Variants in KDM4C observed in about 807,000 individuals in gnomAD.
KDM4C encodes lysine-specific demethylase 4C.
In KDM4C, 81 loss-of-function variants were observed where a neutral mutation model predicts 129.3. The ratio of observed to expected loss-of-function variants is 0.63; its 90% CI spans 0.52 to 0.75. The LOEUF is 0.75. KDM4C is among the 30% of genes least tolerant of loss of function. The pLI is 0.00. For missense variants in KDM4C, 1,457 were observed against 1,304.0 expected (o/e 1.12, Z -1.81); for synonymous variants, 573 against 456.1 (o/e 1.26, Z -3.26).
chr9:6,784,963 C>G (rs1243159495), intron 1 of KDM4C, among the ~76,000 whole-genome samples: 3 of 152,180 alleles, frequency 2.0e-5, no homozygotes, highest in African/African-American at 7.2e-5. Flanking sequence ...GATGAAAAGT[C>G]AGAGTATTAG....
intron 17 of KDM4C, among the ~76,000 whole-genome samples, chr9:7,062,121 C>A (rs2132699975): frequency 6.6e-6 from 1 of 152,262 alleles, no homozygotes; most frequent in Admixed American, 6.5e-5. Flanking sequence ...GTGCCTGCCA[C>A]CACACACTGG....
chr9:7,167,320 C>G (rs1254734575), intron 20 of KDM4C, among the ~76,000 whole-genome samples: 3 of 152,130 alleles, frequency 2.0e-5, no homozygotes, highest in African/African-American at 4.8e-5. Flanking sequence ...CCAAGGGACC[C>G]TTGAGTCCCA....
intron 8 of KDM4C, among the ~76,000 whole-genome samples, chr9:6,941,133 C>T (rs150000762): frequency 6.6e-6 from 1 of 151,728 alleles, no homozygotes; most frequent in Non-Finnish European, 1.5e-5. Flanking sequence ...TGGGTTCAAG[C>T]GATTCTTGTG....
At chr9:7,048,323 A>G (rs533966040) in intron 16 of KDM4C, among the ~76,000 whole-genome samples, 1 of 152,120 alleles carries the variant, frequency 6.6e-6, no homozygotes, top group African/African-American at 2.4e-5. Flanking sequence ...GAAAGACAGG[A>G]TAGAGTCTGA....
At chr9:6,927,606 C>T (rs1427681423) in intron 8 of KDM4C, among the ~76,000 whole-genome samples, 1 of 152,178 alleles carries the variant, frequency 6.6e-6, no homozygotes, top group East Asian at 1.9e-4. Context: ...GATCATCCCT[C>T]ATCTACGTAG....
chr9:6,751,763 T>A (rs1164517041), intron 1 of KDM4C, among the ~76,000 whole-genome samples: 1 of 152,124 alleles, frequency 6.6e-6, no homozygotes, highest in Non-Finnish European at 1.5e-5. Flanking sequence ...AAATGTATTA[T>A]AAAGCTGCAG....
chr9:7,016,785 T>C (rs1223176767), intron 15 of KDM4C, among the ~76,000 whole-genome samples: 1 of 152,194 alleles, frequency 6.6e-6, no homozygotes, highest in East Asian at 1.9e-4. Context: ...TGTCAATTTA[T>C]CGTGTCCACA....
rs1822771250 is a variant in KDM4C at position 7,011,865 on chromosome 9, A to G, written c.1954A>G (p.Met652Val). 2 of 1,613,460 alleles carry G rather than the reference A, an allele frequency of 1.2e-6. No homozygotes were observed. The highest frequency in any genetic ancestry group is 1.7e-5 in the Admixed American group (1 of 59,992). ...KPHCAICTLL[M>V]PYHKPDSSNE... is the part of the protein sequence containing the mutation. ...ACACTGTGCCATCTGCACTCTGCTC[A>G]TGCCGTACCACAAGGTAAAGGAGCC... The change falls in exon 13 of 22, where the codon ATG (methionine) becomes GTG (valine). Residue 652 changes from methionine to valine, a missense_variant. By Grantham distance (21) the Met-to-Val change is conservative. Transcript: ENST00000381309.
intron 21 of KDM4C, among the ~76,000 whole-genome samples, chr9:7,173,112 C>T (rs1026542964): frequency 2.0e-5 from 3 of 152,256 alleles, no homozygotes; most frequent in African/African-American, 7.2e-5. Flanking sequence ...CTAATATCCT[C>T]ACCTTTATGG....
At chr9:7,047,116 T>TA (rs1829517596) in intron 16 of KDM4C, among the ~76,000 whole-genome samples, 199 bp downstream of exon 16, 1 of 151,996 alleles carries the variant, frequency 6.6e-6, no homozygotes, top group African/African-American at 2.4e-5. Context: ...CAGTCCAAGT[T>TA]ATGCTTCTCT....
intron 5 of KDM4C, among the ~76,000 whole-genome samples, chr9:6,875,333 G>C (rs1453426531): frequency 6.6e-6 from 1 of 152,182 alleles, no homozygotes; most frequent in East Asian, 1.9e-4. Flanking sequence ...CTGAGTGCCA[G>C]GGTGGACACC....
At chr9:6,908,688 G>A (rs987079822) in intron 8 of KDM4C, among the ~76,000 whole-genome samples, 1 of 151,918 alleles carries the variant, frequency 6.6e-6, no homozygotes, top group African/African-American at 2.4e-5. Flanking sequence ...GTGGGGGGTG[G>A]GGAGGTACCT....
intron 1 of KDM4C, among the ~76,000 whole-genome samples, chr9:6,792,609 G>C (rs761192346): frequency 6.6e-6 from 1 of 151,988 alleles, no homozygotes; most frequent in Non-Finnish European, 1.5e-5. Context: ...GTCTGGTCTC[G>C]AACTCCTGAC....
intron 19 of KDM4C, among the ~76,000 whole-genome samples, chr9:7,134,897 C>A (rs1437532578): frequency 6.6e-6 from 1 of 152,164 alleles, no homozygotes; most frequent in Non-Finnish European, 1.5e-5. Context: ...AAACCTTGTG[C>A]CTTTCACTGG....
chr9:6,760,945 T>G (rs1819363477), intron 1 of KDM4C, among the ~76,000 whole-genome samples: 1 of 151,948 alleles, frequency 6.6e-6, no homozygotes, highest in East Asian at 1.9e-4. Flanking sequence ...AGTTCTCCAG[T>G]TCTCTAAAGT....
At chr9:6,740,072 T>G (rs2990661) in intron 1 of KDM4C, among the ~76,000 whole-genome samples, 29,693 of 151,740 alleles carry the variant, frequency 0.2, 3,161 homozygotes, top group Non-Finnish European at 0.25. Context: ...GTATTTTTAG[T>G]AGAGACGGGA....
At chr9:6,775,387 A>G (rs1179983045) in intron 1 of KDM4C, among the ~76,000 whole-genome samples, 1 of 152,002 alleles carries the variant, frequency 6.6e-6, no homozygotes, top group East Asian at 1.9e-4. Flanking sequence ...TCGGGTGAAT[A>G]TATTGTGATT....
chr9:6,748,730 A>T (rs764670563), intron 1 of KDM4C: 2 of 1,482,428 alleles, frequency 1.3e-6, no homozygotes, highest in Non-Finnish European at 1.9e-6. Context: ...GTAGCAGAGT[A>T]ATATTATCTC....
intron 6 of KDM4C, among the ~76,000 whole-genome samples, chr9:6,881,569 T>G (rs1025607333): frequency 4.6e-5 from 7 of 152,346 alleles, no homozygotes; most frequent in South Asian, 2.1e-4. Flanking sequence ...ATGAAGCCGA[T>G]GTAAACCTTA....
Sources: allele counts gnomAD v4.1 joint callset (sites outside exome capture counted in the v4.1 genomes callset), GRCh38; gene constraint gnomAD v4.1.1; transcripts MANE v1.5; gene names NCBI Gene and HGNC (gene_info 2026-07-23, HGNC 2026-07-21).